PTPRO: variants seen among roughly 807,000 people sequenced by gnomAD.
PTPRO encodes receptor-type tyrosine-protein phosphatase O.
Under a neutral mutation model 145.2 loss-of-function variants are expected in PTPRO, and 62 were observed. The observed-to-expected ratio is 0.43, with a 90% CI of 0.35 to 0.53. The LOEUF (loss-of-function observed/expected upper bound fraction) is 0.53. PTPRO is among the 20% of genes least tolerant of loss of function. PTPRO has a pLI of 0.01. For synonymous variants in PTPRO, 565 were observed against 514.7 expected (o/e 1.10, Z -1.32); for missense variants, 1,345 against 1,482.7 (o/e 0.91, Z 1.53).
intron 17 of PTPRO, among the ~76,000 whole-genome samples, chr12:15,564,089 G>A (rs1345488063): frequency 8.5e-5 from 13 of 152,138 alleles, no homozygotes; most frequent in Admixed American, 8.5e-4. Flanking sequence ...TCAGGGAGAG[G>A]CAAAGTAAAA....
intron 1 of PTPRO, among the ~76,000 whole-genome samples, chr12:15,395,068 A>T (rs530345812): frequency 6.6e-6 from 1 of 152,336 alleles, no homozygotes; most frequent in Non-Finnish European, 1.5e-5. Context: ...AGGAAAGAAA[A>T]TATTTTAAAG....
In PTPRO at chr12:15,459,967, G is replaced by A. The variant is rs1431547007; in HGVS notation, c.76-24007G>A. ...TGTAGCACATGGTTTATGTTCCTTG[G>A]GTTTATTTAAAGCCTCTGAGCCTCA... On this transcript the variant is annotated intron_variant, in intron 1 of 26. Coordinates refer to ENST00000281171, the MANE Select transcript of PTPRO (RefSeq NM_030667.3). 2.0e-5 allele frequency among the ~76,000 whole-genome samples: 3 copies of A among 152,198 alleles called. No homozygotes were observed. In the East Asian group the frequency reaches 5.8e-4, roughly 29 times the overall value.
At chr12:15,401,912 G>C (rs1939505058) in intron 1 of PTPRO, among the ~76,000 whole-genome samples, 1 of 152,250 alleles carries the variant, frequency 6.6e-6, no homozygotes, top group South Asian at 2.1e-4. Context: ...CTAACTATAG[G>C]TCATGCCTCT....
chr12:15,453,245 C>A (rs1416830547), intron 1 of PTPRO, among the ~76,000 whole-genome samples: 3 of 152,048 alleles, frequency 2.0e-5, no homozygotes, highest in African/African-American at 4.8e-5. Context: ...CTATCCTCAG[C>A]CTTCCAAAAT....
At chr12:15,439,332 T>C (rs1940690666) in intron 1 of PTPRO, among the ~76,000 whole-genome samples, 1 of 152,084 alleles carries the variant, frequency 6.6e-6, no homozygotes. Context: ...CTTAAGTACA[T>C]AGCCTGCAGA....
intron 1 of PTPRO, among the ~76,000 whole-genome samples, chr12:15,425,451 C>A (rs1242778513): frequency 6.6e-6 from 1 of 152,070 alleles, no homozygotes; most frequent in Non-Finnish European, 1.5e-5. Flanking sequence ...CTTTGAGCCT[C>A]CACTAAGCTG....
In PTPRO at chr12:15,541,072, A is replaced by G. The variant is rs151227131; in HGVS notation, c.2165-5497A>G. On this transcript the variant is annotated intron_variant, in intron 12 of 26. Coordinates refer to ENST00000281171, the MANE Select transcript of PTPRO (RefSeq NM_030667.3). Reference sequence around the variant, plus strand: ...TGAAAATGGTATGTCTATCCCCCTTACCCATATACATAGGTACTCACACCA... The same window carrying G: ...TGAAAATGGTATGTCTATCCCCCTTGCCCATATACATAGGTACTCACACCA... 7.4e-4 allele frequency among the ~76,000 whole-genome samples: 112 copies of G among 152,266 alleles called. No homozygotes were observed. The Middle Eastern group carries it at 0.014, about 18-fold the overall frequency.
At chr12:15,354,559 C>A (rs1452291162) in intron 1 of PTPRO, among the ~76,000 whole-genome samples, 1 of 152,088 alleles carries the variant, frequency 6.6e-6, no homozygotes, top group Non-Finnish European at 1.5e-5. Flanking sequence ...CATCATAAAT[C>A]TAAAAAATGT....
intron 10 of PTPRO, among the ~76,000 whole-genome samples, chr12:15,522,639 A>G (rs950723942): frequency 6.6e-6 from 1 of 152,172 alleles, no homozygotes; most frequent in African/African-American, 2.4e-5. Flanking sequence ...GTAAAAGAAA[A>G]TAGGAACAAA....
intron 6 of PTPRO, 26 bp from the exon 7 acceptor site, chr12:15,508,545 C>G (rs1565672259): frequency 6.2e-7 from 1 of 1,608,862 alleles, no homozygotes. Flanking sequence ...TGCAGCCTCC[C>G]CTGTGTTCCA....
intron 5 of PTPRO, among the ~76,000 whole-genome samples, chr12:15,503,249 C>T (rs1030455140): frequency 2.6e-5 from 4 of 152,006 alleles, no homozygotes; most frequent in African/African-American, 2.4e-5. Context: ...TCAGTGTCTT[C>T]TTTTGAAGGC....
chr12:15,355,947 G>A (rs1937973124), intron 1 of PTPRO, among the ~76,000 whole-genome samples: 1 of 152,178 alleles, frequency 6.6e-6, no homozygotes, highest in East Asian at 1.9e-4. Flanking sequence ...GCTGCTAGGA[G>A]GCAGAATGCA....
intron 1 of PTPRO, among the ~76,000 whole-genome samples, chr12:15,479,119 C>T (rs1383729321): frequency 2.0e-5 from 3 of 152,176 alleles, no homozygotes; most frequent in African/African-American, 4.8e-5. Flanking sequence ...AAGCCTGAGA[C>T]GGTGAGGATG....
intron 1 of PTPRO, among the ~76,000 whole-genome samples, chr12:15,430,434 G>C (rs531654657): frequency 6.6e-6 from 1 of 152,216 alleles, no homozygotes; most frequent in East Asian, 1.9e-4. Flanking sequence ...AGTCAAGGAA[G>C]AGGAGGGCTG....
At chr12:15,497,009 A>G (rs1312681435) in intron 2 of PTPRO, among the ~76,000 whole-genome samples, 1 of 152,216 alleles carries the variant, frequency 6.6e-6, no homozygotes, top group Admixed American at 6.5e-5. Context: ...GACTGTTGCA[A>G]AAGGAAAAAT....
chr12:15,335,402 A>C (rs1866731049), intron 1 of PTPRO, among the ~76,000 whole-genome samples: 1 of 152,098 alleles, frequency 6.6e-6, no homozygotes, highest in East Asian at 1.9e-4. Flanking sequence ...GTTTTTATGA[A>C]ATGCATTGGT....
intron 2 of PTPRO, among the ~76,000 whole-genome samples, chr12:15,496,216 C>G (rs1301710936): frequency 2.5e-5 from 3 of 121,256 alleles, no homozygotes; most frequent in African/African-American, 9.4e-5. Flanking sequence ...GATCTCTGCT[C>G]TTGGCAACCT....
At chr12:15,527,090 G>A (rs1311564581) in intron 12 of PTPRO, among the ~76,000 whole-genome samples, 1 of 152,078 alleles carries the variant, frequency 6.6e-6, no homozygotes, top group African/African-American at 2.4e-5. Flanking sequence ...AAGCAAGCTG[G>A]CTTCACTCCC....
intron 20 of PTPRO, among the ~76,000 whole-genome samples, chr12:15,579,710 G>A (rs1343478848): frequency 6.6e-6 from 1 of 152,064 alleles, no homozygotes; most frequent in Non-Finnish European, 1.5e-5. Context: ...AATGAAAATC[G>A]TGTGCTTAGG....
Sources: allele counts gnomAD v4.1 joint callset (sites outside exome capture counted in the v4.1 genomes callset), GRCh38; gene constraint gnomAD v4.1.1; transcripts MANE v1.5; gene names NCBI Gene and HGNC (gene_info 2026-07-23, HGNC 2026-07-21).